The following SEPTIN4 variants were observed in gnomAD, a reference collection of about 807,000 sequenced individuals.
SEPTIN4 encodes septin-4.
Under a neutral mutation model 107.1 loss-of-function variants are expected in SEPTIN4, and 52 were observed. The observed-to-expected ratio is 0.49, with a 90% confidence interval of 0.39 to 0.61. SEPTIN4 has a LOEUF of 0.61. SEPTIN4 is among the 20% of genes least tolerant of loss of function. The pLI is 0.00. For synonymous variants in SEPTIN4, 417 were observed against 467.0 expected (o/e 0.89, Z 1.38); for missense variants, 1,048 against 1,243.5 (o/e 0.84, Z 2.36).
chr17:58,543,313 C>T lies in SEPTIN4; in HGVS notation c.874G>A (p.Asp292Asn), dbSNP rs761902024. ...GAATACTTATGAAGAGACTCAGGGTCTACCCGTGCAGAAACTCGGTGTACA... is the reference window on the plus strand; with the variant it reads ...GAATACTTATGAAGAGACTCAGGGTTTACCCGTGCAGAAACTCGGTGTACA... ...DGVHRVSARV[D>N]PESLHKYSAY... is the part of the protein sequence containing the mutation. The change falls in exon 1 of 14, where the codon GAC becomes AAC. Residue 292 changes from aspartate to asparagine, a missense_variant. This residue lies in a region of SEPTIN4 where 787 missense variants were observed against 871.8 expected (regional missense o/e 0.90). Coordinates refer to ENST00000672673, the MANE Select transcript of SEPTIN4 (RefSeq NM_001368771.2). The T allele has an allele frequency of 6.2e-6, 10 of 1,614,190 alleles. No homozygotes were observed. In the South Asian group the frequency reaches 9.9e-5, roughly 16 times the overall value.
Position 58,521,664 on chromosome 17 carries a change from G to C in SEPTIN4, c.2470-18C>G, listed in dbSNP as rs745670284. On this transcript the variant is annotated intron_variant, in intron 9 of 13. Transcript: ENST00000672673. The surrounding 1 kb of genome is among the most constrained non-coding windows in gnomAD (Gnocchi z 6.4). ...TCCCGGATCTGACAAACAGATGAGG[G>C]GCCCACAGTTCTGGGGACCACATCC... The C allele has an allele frequency of 6.2e-7, 1 of 1,614,152 alleles. No homozygotes were observed. Among genetic ancestry groups the C allele is most frequent in the East Asian group, 2.2e-5 (1 of 44,882 alleles).
intron 5 of SEPTIN4, 129 bp downstream of exon 5, chr17:58,526,091 T>C (rs1405707624): frequency 7.2e-6 from 8 of 1,108,686 alleles, no homozygotes; most frequent in Non-Finnish European, 9.0e-6. Flanking sequence ...GACTCCTGGC[T>C]GTTTTGCAAA....
rs1285241827 is a variant in SEPTIN4 at position 58,541,932 on chromosome 17, C to G, written c.1596G>C (p.Trp532Cys). ...VSEEMYNRVI[W>C]WLKDEEIKRF... ...GGGAAAAGCACAGACCTTTTAGCCA[C>G]CAGATGACACGATTGTACATTTCCT... is the stretch of plus-strand genomic sequence containing the variant. Residue 532 changes from tryptophan to cysteine, a missense_variant, in exon 2 of 14, where the codon TGG becomes TGC. Trp to Cys is a radical substitution (Grantham distance 215, BLOSUM62 -2). Coordinates refer to ENST00000672673, the MANE Select transcript of SEPTIN4 (RefSeq NM_001368771.2). 2 of 1,613,930 alleles carry G rather than the reference C, an allele frequency of 1.2e-6. No individual in the cohort carries two copies. The highest frequency in any genetic ancestry group is 1.7e-5 in the Admixed American group (1 of 59,994).
At chr17:58,532,137 T>C in intron 3 of SEPTIN4, 1 of 1,031,356 alleles carries the variant, frequency 9.7e-7, no homozygotes, top group Non-Finnish European at 1.2e-6. Flanking sequence ...GCGGGGCCTG[T>C]ACCTCAGCTG....
At chr17:58,526,190 C>G (rs763053579) in intron 5 of SEPTIN4, 30 bp downstream of exon 5, 7 of 1,553,282 alleles carry the variant, frequency 4.5e-6, no homozygotes, top group Non-Finnish European at 6.1e-6. Flanking sequence ...GAAACACACC[C>G]TGCCCAACCC....
chr17:58,523,113 T>C (rs548835575), intron 7 of SEPTIN4, among the ~76,000 whole-genome samples: 66 of 152,282 alleles, frequency 4.3e-4, no homozygotes, highest in Non-Finnish European at 6.8e-4. Flanking sequence ...AGTTCACGCC[T>C]GTAATCCTAG....
At chr17:58,534,923 C>A (rs1215543907) in intron 3 of SEPTIN4, among the ~76,000 whole-genome samples, 1 of 152,248 alleles carries the variant, frequency 6.6e-6, no homozygotes, top group Admixed American at 6.5e-5. Context: ...GCAATTACCA[C>A]AGGAAATCAG....
rs1412395623 is a variant in SEPTIN4 at position 58,528,207 on chromosome 17, C to T, written c.1615-1229G>A. 5 of 167,308 alleles carry T rather than the reference C, an allele frequency of 3.0e-5. No individual in the cohort carries two copies. In the East Asian group the frequency reaches 9.5e-4, roughly 32 times the overall value. 10.4% of individuals were successfully genotyped at this position (167,308 alleles called of 1,614,324 possible). On this transcript the variant is annotated intron_variant, in intron 3 of 13. Transcript: ENST00000672673. ...AGCTAGAGTGAGGAAGATAAGATAG[C>T]CACAGTCTTCCTGCAAAGGGAAGAA...
chr17:58,520,292 G>A lies in SEPTIN4; in HGVS notation c.*134C>T. On this transcript the variant is annotated 3_prime_UTR_variant, in exon 14 of 14. Coordinates refer to ENST00000672673, the MANE Select transcript of SEPTIN4 (RefSeq NM_001368771.2). ...ATTTATTAAACTTTATTTCCTCTGA[G>A]TCTCTGGGCAGTCAGCAGGGATGTA... 1 of 731,510 alleles carries A rather than the reference G, an allele frequency of 1.4e-6. No individual in the cohort carries two copies. The highest frequency in any genetic ancestry group is 1.7e-5 in the South Asian group (1 of 57,258). The allele number at this position is 731,510 out of a possible 1,614,324, so 45.3% of individuals were successfully genotyped here.
chr17:58,525,072 A>T lies in SEPTIN4; in HGVS notation c.2216+6T>A, dbSNP rs756422768. ...GGCAGCTGGGATTGTGCTTACTCAG[A>T]CATACCACTCTGTGTTGTTGACTGC... On this transcript the variant is annotated splice_donor_region_variant and intron_variant, in intron 7 of 13. Coordinates refer to ENST00000672673, the MANE Select transcript of SEPTIN4 (RefSeq NM_001368771.2). The T allele has an allele frequency of 1.2e-6, 2 of 1,614,154 alleles. No individual in the cohort carries two copies.
Position 58,526,882 on chromosome 17 carries a change from T to C in SEPTIN4, c.1711A>G (p.Lys571Glu). 1 of 1,614,058 alleles carries C rather than the reference T, an allele frequency of 6.2e-7. No individual in the cohort carries two copies. Among genetic ancestry groups the C allele is most frequent in the Non-Finnish European group, 8.5e-7 (1 of 1,180,014 alleles). Residue 571 changes from lysine to glutamate, a missense_variant, in exon 4 of 14, where the codon AAG becomes GAG. Lys to Glu is a moderately conservative substitution (Grantham distance 56). Coordinates refer to ENST00000672673, the MANE Select transcript of SEPTIN4 (RefSeq NM_001368771.2). Reference sequence around the variant, plus strand: ...ACTTGGGGCCTGGATGCCCAGGTCTTAGCCTCTGGTGGGTGGCAGCTCGCA... The same window carrying C: ...ACTTGGGGCCTGGATGCCCAGGTCTCAGCCTCTGGTGGGTGGCAGCTCGCA... Reference protein sequence around the residue: ...GNASCHPPEAKTWASRPQVPE... With the variant: ...GNASCHPPEAETWASRPQVPE...
chr17:58,543,336 A>T lies in SEPTIN4; in HGVS notation c.851T>A (p.Val284Glu). 6.2e-7 allele frequency: 1 copy of T among 1,614,192 alleles called. No individual in the cohort carries two copies. Among genetic ancestry groups the T allele is most frequent in the Non-Finnish European group, 8.5e-7 (1 of 1,180,038 alleles). The change falls in exon 1 of 14, where the codon GTA becomes GAA. Residue 284 changes from valine to glutamate, a missense_variant. Around this residue, in one of 2 missense-constraint regions of SEPTIN4, gnomAD observed 787 missense variants for 871.8 expected, o/e 0.90. Coordinates refer to ENST00000672673, the MANE Select transcript of SEPTIN4 (RefSeq NM_001368771.2). ...GTCTACCCGTGCAGAAACTCGGTGT[A>T]CACCATCAGAATCTTTAAGGACAGA... The part of the protein sequence containing the change: ...KLSVLKDSDG[V>E]HRVSARVDPE...
In SEPTIN4 at chr17:58,544,099, C is replaced by T. The variant is rs1454573126; in HGVS notation, c.88G>A (p.Gly30Arg). 3 of 1,613,998 alleles carry T rather than the reference C, an allele frequency of 1.9e-6. No homozygotes were observed. Among genetic ancestry groups the T allele is most frequent in the African/African-American group, 2.7e-5 (2 of 74,872 alleles). The change falls in exon 1 of 14, where the codon GGA becomes AGA. Residue 30 changes from glycine (G) to arginine (R), a missense_variant. Around this residue, in one of 2 missense-constraint regions of SEPTIN4, gnomAD observed 787 missense variants for 871.8 expected, o/e 0.90. Transcript: ENST00000672673. ...EVTTNTSPQQ[G>R]HGYVLASSHR... The stretch of plus-strand genomic sequence containing the variant: ...CTTGAGGCAAGAACGTACCCATGTC[C>T]CTGCTGAGGGGATGTGTTAGTAGTA...
intron 7 of SEPTIN4, 152 bp from the exon 8 acceptor site, chr17:58,522,253 G>T: frequency 9.9e-7 from 1 of 1,009,720 alleles, no homozygotes; most frequent in Non-Finnish European, 1.4e-6. Context: ...AGAAATTCCT[G>T]AATGGGGTGG....
At chr17:58,520,632 T>C (rs1250280725) in intron 13 of SEPTIN4, 111 bp downstream of exon 13, 2 of 1,522,446 alleles carry the variant, frequency 1.3e-6, no homozygotes, top group Non-Finnish European at 1.8e-6. Context: ...TATTGACCTA[T>C]CCAGGACCCA....
At chr17:58,525,497 C>T (rs2042750955) in intron 6 of SEPTIN4, 198 bp downstream of exon 6, 3 of 618,128 alleles carry the variant, frequency 4.9e-6, no homozygotes, top group Non-Finnish European at 8.5e-6. Flanking sequence ...AGACTCTGGT[C>T]TCTGCCCTGC....
intron 13 of SEPTIN4, 106 bp downstream of exon 13, chr17:58,520,637 G>A: frequency 1.3e-6 from 2 of 1,532,826 alleles, no homozygotes; most frequent in South Asian, 1.1e-5. Context: ...ACCTATCCAG[G>A]ACCCAAATAT....
At chr17:58,532,170 G>T (rs2043530973) in intron 3 of SEPTIN4, 2 of 951,720 alleles carry the variant, frequency 2.1e-6, no homozygotes, top group Non-Finnish European at 2.6e-6. Flanking sequence ...GCGCGAAGTG[G>T]GTCGGGGTGC....
chr17:58,527,828 C>G (rs974945433), intron 3 of SEPTIN4: 8 of 985,530 alleles, frequency 8.1e-6, no homozygotes, highest in African/African-American at 5.2e-5. Flanking sequence ...CTCCTTACCC[C>G]CTCTGCCCAG....
Sources: gnomAD v4.1 joint callset for allele counts (sites outside exome capture counted in the v4.1 genomes callset) on GRCh38, gnomAD v4.1.1 for gene constraint, gnomAD v4.1.1 regional missense constraint, Gnocchi (gnomAD v3.1) non-coding constraint, MANE v1.5 for transcripts, NCBI Gene and HGNC (gene_info 2026-07-23, HGNC 2026-07-21) for gene names.